GSE1: variants seen among roughly 807,000 people sequenced by gnomAD.
GSE1 encodes Gse1 coiled-coil protein.
Under a neutral mutation model 112.6 loss-of-function variants are expected in GSE1, and 32 were observed. That is an observed-to-expected ratio of 0.28 (90% confidence interval 0.21 to 0.38). The LOEUF (loss-of-function observed/expected upper bound fraction) is 0.38. Among genes scored for constraint, GSE1 ranks in the 10% least tolerant of loss-of-function variants. The pLI is 1.00. For missense variants in GSE1, 2,348 were observed against 1,699.2 expected (o/e 1.38, Z -6.71); for synonymous variants, 1,115 against 735.6 (o/e 1.52, Z -8.35).
At chr16:85,466,100 C>T (rs547171676) in intron 2 of GSE1, among the ~76,000 whole-genome samples, 7 of 152,176 alleles carry the variant, frequency 4.6e-5, no homozygotes, top group African/African-American at 9.7e-5. Context: ...TGACAGCAGC[C>T]GGCTGTGGGA....
At chr16:85,666,464 A>G (rs973908970) in intron 13 of GSE1, 117 bp downstream of exon 13, 20 of 898,164 alleles carry the variant, frequency 2.2e-5, no homozygotes, top group Non-Finnish European at 3.0e-5. Flanking sequence ...ATAAACTCCA[A>G]TCACCAGAAG....
At chr16:85,497,204 CT>C (rs1200614532) in intron 2 of GSE1, among the ~76,000 whole-genome samples, 1 of 152,228 alleles carries the variant, frequency 6.6e-6, no homozygotes, top group Non-Finnish European at 1.5e-5. Flanking sequence ...TGGCCCTGAT[CT>C]GGGCCTTTCT....
intron 3 of GSE1, among the ~76,000 whole-genome samples, chr16:85,651,594 G>A (rs962190578): frequency 3.9e-5 from 6 of 152,316 alleles, no homozygotes; most frequent in Admixed American, 1.3e-4. Flanking sequence ...GGCCCACGGC[G>A]CGGGCAGCAT....
intron 1 of GSE1, among the ~76,000 whole-genome samples, chr16:85,575,025 G>A (rs1457446196): frequency 1.3e-5 from 2 of 152,156 alleles, no homozygotes; most frequent in Non-Finnish European, 2.9e-5. Context: ...CCCTCGCTGG[G>A]GAGCGGCTCC....
chr16:85,381,661 ATGC>A (rs755941671), intron 2 of GSE1, among the ~76,000 whole-genome samples: 1 of 152,244 alleles, frequency 6.6e-6, no homozygotes, highest in African/African-American at 2.4e-5. Flanking sequence ...AGGCAGCCAG[ATGC>A]TGCTGGCTTT....
intron 1 of GSE1, among the ~76,000 whole-genome samples, chr16:85,627,360 T>C (rs1489262260): frequency 6.6e-6 from 1 of 151,886 alleles, no homozygotes; most frequent in Non-Finnish European, 1.5e-5. Context: ...ACCAGGTGGG[T>C]TCTTTCTGAA....
intron 1 of GSE1, among the ~76,000 whole-genome samples, chr16:85,623,806 G>A (rs934672043): frequency 1.3e-4 from 20 of 152,140 alleles, no homozygotes; most frequent in Admixed American, 7.9e-4. Flanking sequence ...TTCTGCCCCC[G>A]CGCCACCTCC....
At chr16:85,611,438 G>T, upstream of GSE1, 1 of 984,408 alleles carries the variant, frequency 1.0e-6, no homozygotes, top group Non-Finnish European at 1.2e-6. Context: ...ATAGCGTCCG[G>T]CCAAGGCCGC....
At chr16:85,266,325 G>A (rs1356618848) in intron 1 of GSE1, among the ~76,000 whole-genome samples, 1 of 152,178 alleles carries the variant, frequency 6.6e-6, no homozygotes, top group Non-Finnish European at 1.5e-5. Flanking sequence ...TGAGGCCCGA[G>A]GAGTGAATTC....
chr16:85,646,728 G>A (rs1486596727), intron 2 of GSE1, among the ~76,000 whole-genome samples: 1 of 152,162 alleles, frequency 6.6e-6, no homozygotes, highest in Non-Finnish European at 1.5e-5. Context: ...GGAGTCGGGG[G>A]TGTGAGTGTG....
At chr16:85,196,840 A>G (rs1398172945) in intron 1 of GSE1, among the ~76,000 whole-genome samples, 2 of 151,834 alleles carry the variant, frequency 1.3e-5, no homozygotes, top group African/African-American at 4.9e-5. Context: ...TGGATCTTTT[A>G]TTAAGATCAG....
chr16:85,642,355 G>T (rs965338188), intron 2 of GSE1, among the ~76,000 whole-genome samples: 1 of 152,208 alleles, frequency 6.6e-6, no homozygotes, highest in Non-Finnish European at 1.5e-5. Context: ...ACACTAACTT[G>T]GGGACAGAAC....
At chr16:85,172,478 T>A (rs2074376814) in intron 1 of GSE1, among the ~76,000 whole-genome samples, 1 of 152,218 alleles carries the variant, frequency 6.6e-6, no homozygotes, top group Non-Finnish European at 1.5e-5. Flanking sequence ...GCACTCTCCC[T>A]GTTTATAAGG....
intron 1 of GSE1, among the ~76,000 whole-genome samples, chr16:85,630,967 C>T (rs926890377): frequency 1.3e-5 from 2 of 152,158 alleles, no homozygotes; most frequent in Non-Finnish European, 2.9e-5. Flanking sequence ...TGAGAGGTGC[C>T]CGACTGGTCT....
chr16:85,358,544 G>A (rs953477873), intron 2 of GSE1, among the ~76,000 whole-genome samples: 3 of 152,224 alleles, frequency 2.0e-5, no homozygotes, highest in Non-Finnish European at 4.4e-5. Context: ...ATTGGGCTGA[G>A]CCGGGGAGGA....
At chr16:85,479,306 A>G (rs2050601105) in intron 2 of GSE1, among the ~76,000 whole-genome samples, 1 of 147,852 alleles carries the variant, frequency 6.8e-6, no homozygotes, top group Admixed American at 7.0e-5. Context: ...TGCTAGGATT[A>G]CAGGCGTGAG....
Position 85,671,087 on chromosome 16 carries a change from C to T in GSE1, c.3508C>T (p.His1170Tyr). 6.2e-7 allele frequency: 1 copy of T among 1,600,100 alleles called. No individual in the cohort carries two copies. Among genetic ancestry groups the T allele is most frequent in the Non-Finnish European group, 8.6e-7 (1 of 1,167,356 alleles). Residue 1170 changes from histidine (H) to tyrosine (Y), a missense_variant, in exon 15 of 16, where the codon CAC (histidine) becomes TAC (tyrosine). Transcript: ENST00000253458. Reference sequence around the variant, plus strand: ...CAGCCTGACGGCAGAGCAGCTCTCCCACAGCGTGGCGGTGAGTTGGGAAGG... The same window carrying T: ...CAGCCTGACGGCAGAGCAGCTCTCCTACAGCGTGGCGGTGAGTTGGGAAGG... Reference protein sequence around the residue: ...SLSLTAEQLSHSVAELRSQKQ... With the variant: ...SLSLTAEQLSYSVAELRSQKQ...
At chr16:85,417,740 A>T (rs1411684996) in intron 2 of GSE1, among the ~76,000 whole-genome samples, 1 of 152,254 alleles carries the variant, frequency 6.6e-6, no homozygotes, top group Non-Finnish European at 1.5e-5. Context: ...GTCCCAGGGC[A>T]TCAGCATCCG....
chr16:85,306,169 G>A (rs570809575), intron 1 of GSE1: 10 of 154,334 alleles, frequency 6.5e-5, no homozygotes, highest in African/African-American at 2.2e-4. Flanking sequence ...GCTCTAGAAA[G>A]AGAGAACCTT....
Sources: gnomAD v4.1 joint callset for allele counts (sites outside exome capture counted in the v4.1 genomes callset) on GRCh38, gnomAD v4.1.1 for gene constraint, MANE v1.5 for transcripts, NCBI Gene and HGNC (gene_info 2026-07-23, HGNC 2026-07-21) for gene names.